Variants in LMNA observed in about 807,000 individuals in gnomAD.
LMNA encodes the protein lamin.
In LMNA, 20 loss-of-function variants were observed where a neutral mutation model predicts 70.4. That is an observed-to-expected ratio of 0.28 (90% confidence interval 0.20 to 0.41). LMNA has a LOEUF of 0.41. Ranked by LOEUF, LMNA falls within the 10% of genes least tolerant of loss-of-function variation. The pLI, the probability that LMNA is intolerant of heterozygous loss-of-function variation, is 1.00. For missense variants in LMNA, 652 were observed against 917.2 expected (o/e 0.71, Z 3.73); for synonymous variants, 339 against 372.8 (o/e 0.91, Z 1.04).
upstream of LMNA, among the ~76,000 whole-genome samples, chr1:156,110,940 C>T (rs1476980270): frequency 6.6e-6 from 1 of 152,102 alleles, no homozygotes; most frequent in Non-Finnish European, 1.5e-5. Flanking sequence ...TGTGCCACTG[C>T]ACTCCAGCCT....
At chr1:156,106,546 C>A (rs1347447167) in intron 3 of LMNA, 2 of 152,450 alleles carry the variant, frequency 1.3e-5, no homozygotes, top group African/African-American at 4.8e-5. Context: ...GGGAGAACAG[C>A]CCCGCCTGAA....
intron 2 of LMNA, among the ~76,000 whole-genome samples, chr1:156,089,440 C>T (rs748990105): frequency 4.0e-5 from 6 of 151,694 alleles, no homozygotes; most frequent in Admixed American, 1.3e-4. Context: ...GGATTACAGG[C>T]GCGCACCCCC....
rs1263529375 is a variant in LMNA at position 156,114,772 on chromosome 1, C to T, written c.-147C>T. The T allele has an allele frequency of 6.5e-6, 4 of 618,516 alleles. No homozygotes were observed. Among genetic ancestry groups the T allele is most frequent in the Admixed American group, 3.2e-5 (1 of 31,344 alleles). 38.3% of individuals were successfully genotyped at this position (618,516 alleles called of 1,614,324 possible). ...CCAGATCCCGAGGTCCGACAGCGCC[C>T]GGCCCAGATCCCCACGCCTGCCAGG... On this transcript the variant is annotated 5_prime_UTR_variant, in exon 1 of 12. Transcript: ENST00000368300.
At position 156,134,199 on chromosome 1, in the gene LMNA, GAT is replaced by G. The variant is rs1259256722; in HGVS notation, c.514-197_514-196del. Among the ~76,000 whole-genome samples, 5 of 152,194 alleles carry G rather than the reference GAT, an allele frequency of 3.3e-5. No individual in the cohort carries two copies. Among genetic ancestry groups the G allele is most frequent in the African/African-American group, 1.2e-4 (5 of 41,532 alleles). ...CATGCCTGGCTACTTTTTTGTATTA[GAT>G]ATATATTTTCTCTCTTAGCACAGTA... On this transcript the variant is annotated intron_variant, in intron 2 of 11. Coordinates refer to ENST00000368300, the MANE Select transcript of LMNA (RefSeq NM_170707.4). This position sits in a 1 kb window ranked among gnomAD's most constrained non-coding sequence, Gnocchi z 5.3.
In LMNA at chr1:156,136,773, C is replaced by A; in HGVS notation, c.1381-148C>A. 1.4e-6 allele frequency: 1 copy of A among 738,582 alleles called. No individual in the cohort carries two copies. The highest frequency in any genetic ancestry group is 2.7e-5 in the East Asian group (1 of 37,424). The allele number at this position is 738,582 out of a possible 1,614,324, so 45.8% of individuals were successfully genotyped here. On this transcript the variant is annotated intron_variant, in intron 7 of 11. Transcript: ENST00000368300. The surrounding 1 kb of genome is among the most constrained non-coding windows in gnomAD (Gnocchi z 6.1). ...TGTGTCCACAGATCATGGCTATTAT[C>A]CCCGGGGGAAGGGCAGTGACAGGGG...
intron 1 of LMNA, chr1:156,126,124 G>A (rs1469506425): frequency 2.0e-5 from 29 of 1,481,620 alleles, no homozygotes; most frequent in Non-Finnish European, 2.6e-5. Context: ...CACAGGGGGC[G>A]ATGTTCCTGG....
rs770560881 is a variant in LMNA at position 156,137,243 on chromosome 1, C to T, written c.1608+11C>T. On this transcript the variant is annotated intron_variant, in intron 9 of 11. Transcript: ENST00000368300. The surrounding 1 kb of genome is among the most constrained non-coding windows in gnomAD (Gnocchi z 4.6). Reference sequence around the variant, plus strand: ...AACTCCACTGGGGAAGTAAGTAGGCCTGGGCCTGGCTGCTTGCTGGACGAG... The same window carrying T: ...AACTCCACTGGGGAAGTAAGTAGGCTTGGGCCTGGCTGCTTGCTGGACGAG... 1 of 1,562,370 alleles carries T rather than the reference C, an allele frequency of 6.4e-7. No individual in the cohort carries two copies. The highest frequency in any genetic ancestry group is 8.6e-7 in the Non-Finnish European group (1 of 1,157,678).
At chr1:156,113,518 C>CCAGCT (rs1177752089), upstream of LMNA, among the ~76,000 whole-genome samples, 2 of 152,094 alleles carry the variant, frequency 1.3e-5, no homozygotes, top group Non-Finnish European at 2.9e-5. Context: ...CTCCCCAGAG[C>CCAGCT]CAGCTGCAGA....
At chr1:156,118,288 CA>C (rs1261508793) in intron 1 of LMNA, among the ~76,000 whole-genome samples, 4 of 152,158 alleles carry the variant, frequency 2.6e-5, no homozygotes, top group Non-Finnish European at 4.4e-5. Context: ...GTTTTCTGGT[CA>C]AAACTTTGAT....
Position 156,135,553 on chromosome 1 carries a change from G to A in LMNA, c.936+241G>A, listed in dbSNP as rs1024040278. On this transcript the variant is annotated intron_variant, in intron 5 of 11. Coordinates refer to ENST00000368300, the MANE Select transcript of LMNA (RefSeq NM_170707.4). The surrounding 1 kb of genome is among the most constrained non-coding windows in gnomAD (Gnocchi z 4.8). ...GGCTTTGGTTTTCCCATTCGAAAAT[G>A]GAGGCTGTTCTTAATCTCCCTAACT... 2 of 620,534 alleles carry A rather than the reference G, an allele frequency of 3.2e-6. No individual in the cohort carries two copies. Among genetic ancestry groups the A allele is most frequent in the African/African-American group, 3.7e-5 (2 of 54,376 alleles). The allele number at this position is 620,534 out of a possible 1,614,324, so 38.4% of individuals were successfully genotyped here.
chr1:156,139,148 C>T lies in LMNA; in HGVS notation c.*42C>T, dbSNP rs776637934. 9.3e-6 allele frequency: 15 copies of T among 1,612,794 alleles called. No individual in the cohort carries two copies. In the South Asian group the frequency reaches 9.9e-5, roughly 11 times the overall value. On this transcript the variant is annotated 3_prime_UTR_variant, in exon 12 of 12. Transcript: ENST00000368300. ...CAGGGGTGGGGGTGGAGGCTTCCTGCGTCCTCCTCACCTCATGCCCACCCC... is the reference window on the plus strand; with the variant it reads ...CAGGGGTGGGGGTGGAGGCTTCCTGTGTCCTCCTCACCTCATGCCCACCCC...
At chr1:156,087,382 A>G (rs978764052) in intron 2 of LMNA, among the ~76,000 whole-genome samples, 2 of 151,504 alleles carry the variant, frequency 1.3e-5, no homozygotes, top group African/African-American at 2.4e-5. Context: ...AGCTGGGATT[A>G]CAGATGCCTG....
In LMNA at chr1:156,135,860, G is replaced by C; in HGVS notation, c.937-41G>C. The C allele has an allele frequency of 6.4e-7, 1 of 1,573,312 alleles. No individual in the cohort carries two copies. The highest frequency in any genetic ancestry group is 8.7e-7 in the Non-Finnish European group (1 of 1,146,738). ...CCACGTCCCTCCTTCCCCATACTTA[G>C]GGCCCTTGGGAGCTCACCAAACCCT... On this transcript the variant is annotated intron_variant, in intron 5 of 11. Coordinates refer to ENST00000368300, the MANE Select transcript of LMNA (RefSeq NM_170707.4). This position sits in a 1 kb window ranked among gnomAD's most constrained non-coding sequence, Gnocchi z 4.8.
chr1:156,102,834 C>G (rs573332452), intron 3 of LMNA, among the ~76,000 whole-genome samples: 1 of 152,300 alleles, frequency 6.6e-6, no homozygotes, highest in African/African-American at 2.4e-5. Context: ...TGGAAAACAA[C>G]AGTCTTTTGG....
At chr1:156,126,992 C>T in intron 1 of LMNA, 1 of 1,385,566 alleles carries the variant, frequency 7.2e-7, no homozygotes, top group Non-Finnish European at 9.7e-7. Context: ...GGCCCAGGTT[C>T]CCACCCTTCC....
At chr1:156,131,372 G>T (rs113369887) in intron 2 of LMNA, among the ~76,000 whole-genome samples, 2,520 of 152,148 alleles carry the variant, frequency 0.017, 74 homozygotes, top group African/African-American at 0.058. Flanking sequence ...AGGATTGCTT[G>T]AGTCCAGGAG....
chr1:156,111,950 A>T (rs960766693), upstream of LMNA, among the ~76,000 whole-genome samples: 1 of 152,240 alleles, frequency 6.6e-6, no homozygotes, highest in African/African-American at 2.4e-5. Flanking sequence ...GAGCAGACTT[A>T]TGACATCTGG....
chr1:156,136,336 G>A lies in LMNA; in HGVS notation c.1280G>A (p.Arg427His), dbSNP rs747139279. ...CGCAAACTGGAGTCCACTGAGAGCC[G>A]CAGCAGCTTCTCACAGCACGCACGC... ...KKRKLESTES[R>H]SSFSQHARTS... The change falls in exon 7 of 12, where the codon CGC (arginine) becomes CAC (histidine). Residue 427 changes from arginine (R) to histidine (H), a missense_variant. Coordinates refer to ENST00000368300, the MANE Select transcript of LMNA (RefSeq NM_170707.4). This position sits in a 1 kb window ranked among gnomAD's most constrained non-coding sequence, Gnocchi z 6.1. The A allele has an allele frequency of 9.9e-6, 16 of 1,612,130 alleles. No homozygotes were observed. The highest frequency in any genetic ancestry group is 2.2e-5 in the East Asian group (1 of 44,894).
rs1308777587 is a variant in LMNA at position 156,135,961 on chromosome 1, A to G, written c.997A>G (p.Thr333Ala). The G allele has an allele frequency of 2.5e-6, 4 of 1,613,784 alleles. No homozygotes were observed. Among genetic ancestry groups the G allele is most frequent in the South Asian group, 1.1e-5 (1 of 91,084 alleles). Residue 333 changes from threonine to alanine, a missense_variant, in exon 6 of 12, where the codon ACC becomes GCC. By Grantham distance (58) the Thr-to-Ala change is moderately conservative. Transcript: ENST00000368300. This position sits in a 1 kb window ranked among gnomAD's most constrained non-coding sequence, Gnocchi z 4.8. The part of the protein sequence containing the change: ...LEDSLARERD[T>A]SRRLLAEKER... ...GGACTCACTGGCCCGTGAGCGGGACACCAGCCGGCGGCTGCTGGCGGAAAA... is the reference window on the plus strand; with the variant it reads ...GGACTCACTGGCCCGTGAGCGGGACGCCAGCCGGCGGCTGCTGGCGGAAAA...
Sources: allele counts gnomAD v4.1 joint callset (sites outside exome capture counted in the v4.1 genomes callset), GRCh38; gene constraint gnomAD v4.1.1; non-coding constraint Gnocchi (gnomAD v3.1); transcripts MANE v1.5; gene names NCBI Gene and HGNC (gene_info 2026-07-23, HGNC 2026-07-21).